The following TXK variants were observed in gnomAD, a reference collection of about 807,000 sequenced individuals.
TXK encodes the protein TXK tyrosine kinase.
In TXK, 60 loss-of-function variants were observed where a neutral mutation model predicts 81.0. The observed-to-expected ratio is 0.74, with a 90% confidence interval of 0.60 to 0.92. The LOEUF (loss-of-function observed/expected upper bound fraction) is 0.92. TXK is among the 40% of genes least tolerant of loss of function. The probability of loss-of-function intolerance (pLI) is 0.00; values close to 1 mark genes in which losing one functional copy is unlikely to be tolerated. For missense variants in TXK, 581 were observed against 638.3 expected, an observed-to-expected ratio of 0.91 and a Z score of 0.97; for synonymous variants, 203 against 210.7, an observed-to-expected ratio of 0.96 and a Z score of 0.32.
At chr4:48,123,862 C>G (rs1719019612) in intron 1 of TXK, among the ~76,000 whole-genome samples, 1 of 152,182 alleles carries the variant, frequency 6.6e-6, no homozygotes, top group Non-Finnish European at 1.5e-5. Flanking sequence ...AGTGACCCCA[C>G]CCTGACTACT....
Position 48,071,637 on chromosome 4 carries a change from C to T in TXK, c.1395G>A (p.Met465Ile), listed in dbSNP as rs1577644673. ...LMWEVFTEGK[M>I]PFENKSNLQV... ...GCAAATTTGACTTATTTTCAAAAGG[C>T]ATTTTTCCTTCTGTAAAAACTTCCC... The change falls in exon 14 of 15, where the codon ATG (methionine) becomes ATA (isoleucine). Residue 465 changes from methionine to isoleucine, a missense_variant. By Grantham distance (10) the Met-to-Ile change is conservative. Coordinates refer to ENST00000264316, the MANE Select transcript of TXK (RefSeq NM_003328.3). The T allele has an allele frequency of 6.2e-7, 1 of 1,614,130 alleles. No homozygotes were observed.
chr4:48,133,226 GT>G (rs33984668), intron 1 of TXK, among the ~76,000 whole-genome samples: 5,211 of 24,224 alleles, frequency 0.22, 284 homozygotes, highest in African/African-American at 0.32. Context: ...ATTCTGCTTG[GT>G]TTTTTTTTTT....
In TXK at chr4:48,073,950, C is replaced by T; in HGVS notation, c.1342G>A (p.Asp448Asn). Residue 448 changes from aspartate to asparagine, a missense_variant, in exon 13 of 15, where the codon GAT becomes AAT. Coordinates refer to ENST00000264316, the MANE Select transcript of TXK (RefSeq NM_003328.3). The part of the protein sequence containing the change: ...FLFNKYSSKS[D>N]VWSFGVLMWE... ...ATGCACTCACCAAATGACCAGACAT[C>T]AGATTTACTGCTGTACTTATTGAAA... is the stretch of plus-strand genomic sequence containing the variant. 1.2e-6 allele frequency: 2 copies of T among 1,608,114 alleles called. No individual in the cohort carries two copies. The highest frequency in any genetic ancestry group is 1.1e-5 in the South Asian group (1 of 89,974).
At chr4:48,101,601 G>C (rs1421186502) in intron 6 of TXK, among the ~76,000 whole-genome samples, 1 of 151,622 alleles carries the variant, frequency 6.6e-6, no homozygotes. Flanking sequence ...ATAAAAATTA[G>C]AAAATATATA....
chr4:48,105,077 T>C (rs1254265027), intron 5 of TXK, 122 bp from the exon 6 acceptor site: 1 of 635,774 alleles, frequency 1.6e-6, no homozygotes, highest in African/African-American at 1.9e-5. Flanking sequence ...TGAGTGTTTT[T>C]TTAAATTCAG....
chr4:48,097,808 C>T (rs1383779974), intron 6 of TXK, among the ~76,000 whole-genome samples: 1 of 145,600 alleles, frequency 6.9e-6, no homozygotes, highest in Non-Finnish European at 1.5e-5. Flanking sequence ...AGTGCAGTGG[C>T]GCCATCTCGG....
At chr4:48,108,828 T>C (rs1052898406) in intron 5 of TXK, among the ~76,000 whole-genome samples, 2 of 152,190 alleles carry the variant, frequency 1.3e-5, no homozygotes, top group African/African-American at 2.4e-5. Context: ...CAGGCTGTTA[T>C]AGCCAGAGCC....
At chr4:48,071,358 T>A (rs1716846045) in intron 14 of TXK, among the ~76,000 whole-genome samples, 159 bp downstream of exon 14, 1 of 152,168 alleles carries the variant, frequency 6.6e-6, no homozygotes, top group African/African-American at 2.4e-5. Flanking sequence ...CATGACTTTG[T>A]AGTGAGTTTG....
rs748841815 is a variant in TXK, at chr4:48,104,952, C to T, written c.450G>A (p.Trp150Ter). The change falls in exon 6 of 15, where the codon TGG becomes TGA. Residue 150 changes from tryptophan (W) to a stop codon, truncating the protein, a stop_gained. Transcript: ENST00000264316. LOFTEE classifies it high-confidence loss of function. ...NKITNLEIYE[W>*]YHRNITRNQA... ...GATTTCTGGTAATGTTTCTATGGTACCACCTGTAAAAGCAATAAAAATGAT... is the reference window on the plus strand; with the variant it reads ...GATTTCTGGTAATGTTTCTATGGTATCACCTGTAAAAGCAATAAAAATGAT... The T allele has an allele frequency of 2.5e-6, 4 of 1,583,552 alleles. No homozygotes were observed. Among genetic ancestry groups the T allele is most frequent in the South Asian group, 1.2e-5 (1 of 84,184 alleles).
At chr4:48,093,945 A>G in intron 8 of TXK, 132 bp downstream of exon 8, 1 of 1,255,054 alleles carries the variant, frequency 8.0e-7, no homozygotes, top group Non-Finnish European at 1.1e-6. Flanking sequence ...TGCTCAAAAG[A>G]TAAGTTGTAC....
chr4:48,128,516 G>A (rs1719153330), intron 1 of TXK, among the ~76,000 whole-genome samples: 1 of 150,186 alleles, frequency 6.7e-6, no homozygotes, highest in African/African-American at 2.5e-5. Context: ...TTACAGAAAG[G>A]CCAAACTTCC....
intron 1 of TXK, among the ~76,000 whole-genome samples, chr4:48,127,955 G>A (rs1357917330): frequency 6.6e-6 from 1 of 152,174 alleles, no homozygotes; most frequent in Non-Finnish European, 1.5e-5. Flanking sequence ...TTCCACCAGG[G>A]GGCACTGGAA....
At chr4:48,128,147 T>A (rs575041762) in intron 1 of TXK, among the ~76,000 whole-genome samples, 10 of 152,368 alleles carry the variant, frequency 6.6e-5, no homozygotes, top group Middle Eastern at 3.4e-3. Context: ...CCCCTGGCAT[T>A]TCCGATGTCA....
At chr4:48,114,260 C>T (rs576007318) in intron 2 of TXK, 88 bp downstream of exon 2, 21 of 1,333,582 alleles carry the variant, frequency 1.6e-5, no homozygotes, top group East Asian at 7.1e-5. Flanking sequence ...GAGAGAACAG[C>T]GGGTGCAAAG....
intron 1 of TXK, 90 bp from the exon 2 acceptor site, chr4:48,114,492 T>C (rs911613385): frequency 3.0e-6 from 4 of 1,338,294 alleles, no homozygotes; most frequent in Non-Finnish European, 4.3e-6. Flanking sequence ...CGAATTATTA[T>C]AAAGCGTATG....
intron 9 of TXK, 117 bp downstream of exon 9, chr4:48,089,633 C>T: frequency 1.3e-6 from 1 of 769,864 alleles, no homozygotes; most frequent in Non-Finnish European, 2.2e-6. Context: ...CTAAGGTGAT[C>T]CACCCACCTT....
At chr4:48,083,111 G>A (rs905538633) in intron 10 of TXK, among the ~76,000 whole-genome samples, 2 of 152,204 alleles carry the variant, frequency 1.3e-5, no homozygotes, top group African/African-American at 4.8e-5. Flanking sequence ...AGCCATCTGC[G>A]GATCACAAGG....
chr4:48,073,912 A>G, intron 13 of TXK, 23 bp downstream of exon 13: 2 of 1,425,408 alleles, frequency 1.4e-6, no homozygotes, highest in South Asian at 2.5e-5. Context: ...AAGCTCCAGC[A>G]AGTGAACATC....
At chr4:48,073,325 G>A (rs1370877458) in intron 13 of TXK, among the ~76,000 whole-genome samples, 1 of 152,070 alleles carries the variant, frequency 6.6e-6, no homozygotes, top group African/African-American at 2.4e-5. Flanking sequence ...ATAGATTTTT[G>A]CATATTTATT....
Sources: allele counts gnomAD v4.1 joint callset (sites outside exome capture counted in the v4.1 genomes callset), GRCh38; gene constraint gnomAD v4.1.1; transcripts MANE v1.5; gene names NCBI Gene and HGNC (gene_info 2026-07-23, HGNC 2026-07-21).